The following ARPC2 variants were observed in gnomAD, a reference collection of about 807,000 sequenced individuals.
ARPC2 encodes actin related protein 2/3 complex subunit 2.
ARPC2 carries 4 observed loss-of-function variants against 38.6 expected under a neutral mutation model. The observed-to-expected ratio is 0.10, with a 90% CI of 0.05 to 0.24. The LOEUF is 0.24. ARPC2 is among the 10% of genes least tolerant of loss of function. The pLI, the probability that ARPC2 is intolerant of heterozygous loss-of-function variation, is 1.00. For synonymous variants in ARPC2, 125 were observed against 140.8 expected (o/e 0.89, Z 0.79); for missense variants, 229 against 387.3 (o/e 0.59, Z 3.43).
Position 218,238,594 on chromosome 2 carries a change from T to C in ARPC2, c.269-70T>C, listed in dbSNP as rs1194737292. On this transcript the variant is annotated intron_variant, in intron 5 of 10. Transcript: ENST00000315717. ...CTTGGTATAGATAGTATGCTGCTTTTTTTTTTTTTTTTTTTTTTAAATGTA... is the reference window on the plus strand; with the variant it reads ...CTTGGTATAGATAGTATGCTGCTTTCTTTTTTTTTTTTTTTTTTAAATGTA... 20 of 243,280 alleles carry C rather than the reference T, an allele frequency of 8.2e-5. No individual in the cohort carries two copies. The East Asian group carries it at 2.4e-3, about 30-fold the overall frequency. The allele number at this position is 243,280 out of a possible 1,614,324, so 15.1% of individuals were successfully genotyped here.
At chr2:218,236,616 A>G (rs1689776724) in intron 5 of ARPC2, 1 of 152,118 alleles carries the variant, frequency 6.6e-6, no homozygotes, top group South Asian at 2.1e-4. Flanking sequence ...AACATGGAGA[A>G]ACCCCGTCTC....
At chr2:218,241,971 A>AT (rs1689927225) in intron 7 of ARPC2, among the ~76,000 whole-genome samples, 2 of 152,206 alleles carry the variant, frequency 1.3e-5, no homozygotes, top group Non-Finnish European at 2.9e-5. Context: ...GGAATTGTAA[A>AT]TTTCTCGGAA....
chr2:218,217,720 A>G lies in ARPC2; in HGVS notation c.74+176A>G, dbSNP rs563592302. Among the ~76,000 whole-genome samples, 15 of 152,332 alleles carry G rather than the reference A, an allele frequency of 9.8e-5. 1 individual carries two copies. The highest frequency in any genetic ancestry group is 6.2e-4 in the South Asian group (3 of 4,830). On this transcript the variant is annotated intron_variant, in intron 2 of 10. Coordinates refer to ENST00000315717, the MANE Select transcript of ARPC2 (RefSeq NM_152862.3). The stretch of plus-strand genomic sequence containing the variant: ...GATTGGGCGCGGCCGGGCGAGGGGC[A>G]GAGATGCGTGGGGAGAGGCTCAGAG...
chr2:218,230,287 C>CTTTTTTTTTT (rs768585570), intron 4 of ARPC2, among the ~76,000 whole-genome samples: 618 of 72,928 alleles, frequency 8.5e-3, no homozygotes, highest in Middle Eastern at 0.013. Flanking sequence ...TTTTTTTTTT[C>CTTTTTTTTTT]TTTTTTTTTT....
chr2:218,222,609 G>A (rs1283001152), intron 2 of ARPC2, among the ~76,000 whole-genome samples: 1 of 152,082 alleles, frequency 6.6e-6, no homozygotes, highest in African/African-American at 2.4e-5. Flanking sequence ...TCCTTGTACT[G>A]CTAACCAATT....
chr2:218,251,302 C>T (rs951292920), intron 10 of ARPC2, among the ~76,000 whole-genome samples: 5 of 152,210 alleles, frequency 3.3e-5, no homozygotes, highest in African/African-American at 9.6e-5. Flanking sequence ...ACCTCTGCCT[C>T]CTGGGTTCAA....
chr2:218,217,264 G>GTGGA lies in ARPC2; in HGVS notation c.-9+13_-9+14insATGG. ...AGGCTTCGGGGGCCAGGTCGGTTGG[G>GTGGA]TGGGTGGGTGTCTCCACAGTCTGCG... On this transcript the variant is annotated intron_variant, in intron 1 of 10. Coordinates refer to ENST00000315717, the MANE Select transcript of ARPC2 (RefSeq NM_152862.3). The GTGGA allele has an allele frequency of 1.8e-6, 1 of 549,308 alleles. No individual in the cohort carries two copies. Among genetic ancestry groups the GTGGA allele is most frequent in the Non-Finnish European group, 3.2e-6 (1 of 311,460 alleles). 34.0% of individuals were successfully genotyped at this position (549,308 alleles called of 1,614,324 possible).
chr2:218,251,157 C>T (rs1041368140), intron 10 of ARPC2, among the ~76,000 whole-genome samples: 2 of 151,870 alleles, frequency 1.3e-5, no homozygotes, highest in African/African-American at 4.8e-5. Context: ...CCCTCACAGC[C>T]AGTGTTATTT....
In ARPC2 at chr2:218,245,534, T is replaced by C; in HGVS notation, c.664T>C (p.Tyr222His). 6.2e-7 allele frequency: 1 copy of C among 1,614,162 alleles called. No individual in the cohort carries two copies. Among genetic ancestry groups the C allele is most frequent in the Non-Finnish European group, 8.5e-7 (1 of 1,180,004 alleles). ...TDAAVGDNIG[Y>H]ITFVLFPRHT... ...CGCCGCTGTGGGTGACAACATTGGC[T>C]ACATTACCTTTGGTGAGCAGGGTGC... The change falls in exon 8 of 11, where the codon TAC becomes CAC. Residue 222 changes from tyrosine (Y) to histidine (H), a missense_variant. Transcript: ENST00000315717.
At chr2:218,239,539 C>A in intron 7 of ARPC2, 55 bp downstream of exon 7, 4 of 1,371,166 alleles carry the variant, frequency 2.9e-6, no homozygotes, top group African/African-American at 1.4e-5. Context: ...TACCTTTGCA[C>A]CCAAACATAC....
At chr2:218,224,440 GTCA>G (rs1689452320) in intron 2 of ARPC2, among the ~76,000 whole-genome samples, 1 of 152,096 alleles carries the variant, frequency 6.6e-6, no homozygotes, top group Non-Finnish European at 1.5e-5. Context: ...CCTCCCATTG[GTCA>G]TCCTCTTAAT....
chr2:218,228,665 G>T, intron 3 of ARPC2, 73 bp from the exon 4 acceptor site: 1 of 888,400 alleles, frequency 1.1e-6, no homozygotes, highest in Non-Finnish European at 1.8e-6. Flanking sequence ...TGTGGCCTAC[G>T]GCAAGGTAGG....
intron 2 of ARPC2, among the ~76,000 whole-genome samples, chr2:218,224,792 T>C (rs1366579884): frequency 6.6e-6 from 1 of 152,224 alleles, no homozygotes; most frequent in East Asian, 1.9e-4. Flanking sequence ...GCCAGTTTTT[T>C]TGAAAGGTAT....
chr2:218,246,537 AAAAAG>A (rs1466282252), intron 8 of ARPC2, among the ~76,000 whole-genome samples: 6 of 152,000 alleles, frequency 3.9e-5, no homozygotes, highest in African/African-American at 7.3e-5. Flanking sequence ...CTCAAAAAGA[AAAAAG>A]AAAAGAGTAA....
At chr2:218,241,712 T>C (rs907149313) in intron 7 of ARPC2, among the ~76,000 whole-genome samples, 10 of 152,262 alleles carry the variant, frequency 6.6e-5, no homozygotes, top group African/African-American at 2.4e-4. Flanking sequence ...ATGATTTAAA[T>C]GCCTCCTTCA....
chr2:218,252,848 G>A (rs1690225864), intron 10 of ARPC2: 1 of 455,302 alleles, frequency 2.2e-6, no homozygotes, highest in Admixed American at 2.4e-5. Context: ...CCTGGTGAGA[G>A]ACCCAGGAAG....
intron 2 of ARPC2, among the ~76,000 whole-genome samples, chr2:218,219,381 A>G (rs1415939333): frequency 1.3e-5 from 2 of 151,010 alleles, no homozygotes; most frequent in South Asian, 2.1e-4. Flanking sequence ...TTTCCGAGAC[A>G]GAGTCTCTCA....
intron 4 of ARPC2, among the ~76,000 whole-genome samples, chr2:218,230,439 G>A (rs776607067): frequency 7.9e-5 from 12 of 151,496 alleles, no homozygotes; most frequent in African/African-American, 2.2e-4. Flanking sequence ...CTACAGGCAC[G>A]TGCCACCACA....
chr2:218,253,963 C>T lies in ARPC2; in HGVS notation c.*48C>T. On this transcript the variant is annotated 3_prime_UTR_variant, in exon 11 of 11. Coordinates refer to ENST00000315717, the MANE Select transcript of ARPC2 (RefSeq NM_152862.3). ...CGGCTGGCAACTGAAGGCTGGAACA[C>T]TTGCTACTGGATAATCGTAGCTTTT... 1.9e-6 allele frequency: 3 copies of T among 1,609,698 alleles called. No individual in the cohort carries two copies. Among genetic ancestry groups the T allele is most frequent in the Non-Finnish European group, 2.6e-6 (3 of 1,176,190 alleles).
Sources: allele counts gnomAD v4.1 joint callset (sites outside exome capture counted in the v4.1 genomes callset), GRCh38; gene constraint gnomAD v4.1.1; transcripts MANE v1.5; gene names NCBI Gene and HGNC (gene_info 2026-07-23, HGNC 2026-07-21).